Variants in CCDC88C observed in about 807,000 individuals in gnomAD.
The protein encoded by CCDC88C is protein Daple.
CCDC88C carries 131 observed loss-of-function variants against 198.8 expected under a neutral mutation model. The ratio of observed to expected loss-of-function variants is 0.66; its 90% CI spans 0.57 to 0.76. The LOEUF is 0.76. Ranked by LOEUF, CCDC88C falls within the 30% of genes least tolerant of loss-of-function variation. The probability of loss-of-function intolerance (pLI) is 0.00; values close to 1 mark genes in which losing one functional copy is unlikely to be tolerated. For missense variants in CCDC88C, 2,553 were observed against 2,631.6 expected (o/e 0.97, Z 0.65); for synonymous variants, 1,166 against 1,114.7 (o/e 1.05, Z -0.92).
At position 91,309,862 on chromosome 14, in the gene CCDC88C, T is replaced by C. The variant is rs559542065; in HGVS notation, c.2861A>G (p.Asp954Gly). Residue 954 changes from aspartate to glycine, a missense_variant, in exon 16 of 30, where the codon GAC (aspartate) becomes GGC (glycine). Transcript: ENST00000389857. ...LLLQEDDSGSDTKYKILEGRN... is the reference protein window; with the variant it reads ...LLLQEDDSGSGTKYKILEGRN... Reference sequence around the variant, plus strand: ...GAGAGGGAGAAGAGGCCCTCACGTGTCACTGCCGCTGTCGTCCTCCTGCAA... The same window carrying C: ...GAGAGGGAGAAGAGGCCCTCACGTGCCACTGCCGCTGTCGTCCTCCTGCAA... 2.6e-5 allele frequency: 42 copies of C among 1,609,986 alleles called. No individual in the cohort carries two copies. In the African/African-American group the frequency reaches 4.8e-4, roughly 18 times the overall value.
intron 4 of CCDC88C, among the ~76,000 whole-genome samples, chr14:91,346,781 C>A (rs1196896791): frequency 2.0e-5 from 3 of 152,112 alleles, no homozygotes; most frequent in Non-Finnish European, 4.4e-5. Flanking sequence ...CGTCTGTAAT[C>A]CCAGCTGCTT....
intron 16 of CCDC88C, among the ~76,000 whole-genome samples, chr14:91,309,160 C>T (rs143731563): frequency 8.5e-5 from 13 of 152,232 alleles, no homozygotes; most frequent in Non-Finnish European, 1.6e-4. Flanking sequence ...AACCAGGAGG[C>T]GGAGGTTTTC....
chr14:91,384,544 C>T (rs1419406646), intron 3 of CCDC88C: 2 of 499,156 alleles, frequency 4.0e-6, no homozygotes, highest in African/African-American at 2.0e-5. Flanking sequence ...ATAATCATCA[C>T]CCCATCTCTT....
At chr14:91,321,391 C>G in intron 12 of CCDC88C, 87 bp from the exon 13 acceptor site, 1 of 1,410,616 alleles carries the variant, frequency 7.1e-7, no homozygotes, top group Non-Finnish European at 9.7e-7. Flanking sequence ...TCATCAGTCC[C>G]GGAGTCCAGG....
chr14:91,375,967 C>T (rs1042883172), intron 3 of CCDC88C, among the ~76,000 whole-genome samples: 16 of 152,278 alleles, frequency 1.1e-4, no homozygotes, highest in African/African-American at 3.4e-4. Flanking sequence ...CTACAAGTGG[C>T]GAGGCTGGGG....
chr14:91,397,770 C>G (rs1002152406), intron 3 of CCDC88C, among the ~76,000 whole-genome samples: 1 of 152,216 alleles, frequency 6.6e-6, no homozygotes, highest in Non-Finnish European at 1.5e-5. Flanking sequence ...ACACTCCCAG[C>G]TGGGGGGCAC....
rs906665262 is a variant in CCDC88C at position 91,271,904 on chromosome 14, A to G, written c.*721T>C. On this transcript the variant is annotated 3_prime_UTR_variant, in exon 30 of 30. Transcript: ENST00000389857. ...GCCTGGCAGATCCAGTGTTTGCAGA[A>G]AAGTGAGCCAGGGAAATCTAGGAAG... The G allele has an allele frequency of 5.2e-5, 8 of 152,848 alleles. No individual in the cohort carries two copies. Among genetic ancestry groups the G allele is most frequent in the African/African-American group, 1.9e-4 (8 of 41,422 alleles). 9.5% of individuals were successfully genotyped at this position (152,848 alleles called of 1,614,324 possible). A position where few individuals can be genotyped will look rare whatever the true frequency, so the allele number is the denominator to read the frequency against.
intron 3 of CCDC88C, among the ~76,000 whole-genome samples, chr14:91,395,100 C>G (rs1452760022): frequency 6.6e-6 from 1 of 152,200 alleles, no homozygotes; most frequent in East Asian, 1.9e-4. Flanking sequence ...GTAACTTACC[C>G]AAGGCCACAA....
In CCDC88C at chr14:91,352,657, A is replaced by G. The variant is rs557999414; in HGVS notation, c.340+6985T>C. Among the ~76,000 whole-genome samples the G allele has an allele frequency of 2.0e-5, 3 of 152,326 alleles. No homozygotes were observed. In the East Asian group the frequency reaches 5.8e-4, roughly 29 times the overall value. On this transcript the variant is annotated intron_variant, in intron 4 of 29. Transcript: ENST00000389857. This position sits in a 1 kb window ranked among gnomAD's most constrained non-coding sequence, Gnocchi z 4.2. The stretch of plus-strand genomic sequence containing the variant: ...ATTATATATATATACACACACACAT[A>G]TACACTTATACACAGGATTAGAGAA...
At chr14:91,274,956 C>A (rs552535547) in intron 29 of CCDC88C, among the ~76,000 whole-genome samples, 1 of 152,238 alleles carries the variant, frequency 6.6e-6, no homozygotes, top group South Asian at 2.1e-4. Context: ...CCTTTGATAC[C>A]CACCCTTCCT....
Position 91,305,887 on chromosome 14 carries a change from G to T in CCDC88C, c.3235C>A (p.Gln1079Lys). Residue 1079 changes from glutamine to lysine, a missense_variant, in exon 19 of 30, where the codon CAG (glutamine) becomes AAG (lysine). Physicochemically the swap from Gln to Lys is moderately conservative, Grantham distance 53 (BLOSUM62 1). Coordinates refer to ENST00000389857, the MANE Select transcript of CCDC88C (RefSeq NM_001080414.4). ...LQAEKQLLKE[Q>K]LQHLETQNVT... ...TTCTGGGTCTCCAGGTGCTGCAGCT[G>T]TTCCTTTAGCAGCTGCTTCTCAGCC... 6.2e-7 allele frequency: 1 copy of T among 1,613,884 alleles called. No homozygotes were observed.
chr14:91,390,914 T>C (rs1298032230), intron 3 of CCDC88C, among the ~76,000 whole-genome samples: 2 of 152,140 alleles, frequency 1.3e-5, no homozygotes, highest in Non-Finnish European at 2.9e-5. Flanking sequence ...TGTTTTAAGG[T>C]CTTGGGCTCT....
Position 91,349,558 on chromosome 14 carries a change from G to A in CCDC88C, c.341-5901C>T, listed in dbSNP as rs1354763137. On this transcript the variant is annotated intron_variant, in intron 4 of 29. Transcript: ENST00000389857. ...TGCGGGCGGGGATCGAGAAACATCA[G>A]ACCGGACACACTCCACACTTAACAC... 2.6e-5 allele frequency among the ~76,000 whole-genome samples: 4 copies of A among 152,188 alleles called. No homozygotes were observed. The East Asian group carries it at 7.7e-4, about 29-fold the overall frequency.
Position 91,273,759 on chromosome 14 carries a change from G to C in CCDC88C, c.5059-106C>G, listed in dbSNP as rs139128801. 1.0e-5 allele frequency: 10 copies of C among 955,406 alleles called. No individual in the cohort carries two copies. The South Asian group carries it at 3.2e-4, about 30-fold the overall frequency. 59.2% of individuals were successfully genotyped at this position (955,406 alleles called of 1,614,324 possible). A position where few individuals can be genotyped will look rare whatever the true frequency, so the allele number is the denominator to read the frequency against. On this transcript the variant is annotated intron_variant, in intron 29 of 29. Coordinates refer to ENST00000389857, the MANE Select transcript of CCDC88C (RefSeq NM_001080414.4). The surrounding 1 kb of genome is among the most constrained non-coding windows in gnomAD (Gnocchi z 5.6). The stretch of plus-strand genomic sequence containing the variant: ...CCGAGCAGCCCACGTGGCTGGGACC[G>C]CAGTTCCTGCCTGCCTTCTCCGAGG...
intron 3 of CCDC88C, among the ~76,000 whole-genome samples, chr14:91,387,791 T>C (rs1885233455): frequency 6.6e-6 from 1 of 152,194 alleles, no homozygotes; most frequent in Non-Finnish European, 1.5e-5. Context: ...GAGATGCTGA[T>C]GGCATGGACA....
chr14:91,405,176 C>A (rs1886416613), intron 3 of CCDC88C, among the ~76,000 whole-genome samples: 1 of 152,118 alleles, frequency 6.6e-6, no homozygotes, highest in African/African-American at 2.4e-5. Context: ...CAGAGGTCAA[C>A]TTGAGCATCC....
intron 3 of CCDC88C, among the ~76,000 whole-genome samples, chr14:91,366,770 G>C (rs556542024): frequency 2.6e-5 from 4 of 152,332 alleles, no homozygotes; most frequent in African/African-American, 9.6e-5. Context: ...GGTCCTGGGC[G>C]AAAGGCTGAC....
At position 91,303,687 on chromosome 14, in the gene CCDC88C, TC is replaced by T; in HGVS notation, c.3635+13del. 6.4e-7 allele frequency: 1 copy of T among 1,557,650 alleles called. No homozygotes were observed. Among genetic ancestry groups the T allele is most frequent in the Non-Finnish European group, 8.7e-7 (1 of 1,148,600 alleles). On this transcript the variant is annotated intron_variant, in intron 20 of 29. Transcript: ENST00000389857. Reference sequence around the variant, plus strand: ...CTACCCCTCCCCAGATCCCCTTCCTTCCCCAGGCCCTACCTCTCCCCGAGCT... The same window carrying T: ...CTACCCCTCCCCAGATCCCCTTCCTTCCCAGGCCCTACCTCTCCCCGAGCT...
At chr14:91,292,165 G>A (rs1054766790) in intron 23 of CCDC88C, among the ~76,000 whole-genome samples, 2 of 152,172 alleles carry the variant, frequency 1.3e-5, no homozygotes, top group Non-Finnish European at 2.9e-5. Flanking sequence ...CCCCAGCCAC[G>A]CTCCGCTCCC....
Sources: allele counts gnomAD v4.1 joint callset (sites outside exome capture counted in the v4.1 genomes callset), GRCh38; gene constraint gnomAD v4.1.1; non-coding constraint Gnocchi (gnomAD v3.1); transcripts MANE v1.5; gene names NCBI Gene and HGNC (gene_info 2026-07-23, HGNC 2026-07-21).